The following SLC9A9 variants were observed in gnomAD, a reference collection of about 807,000 sequenced individuals.
The protein encoded by SLC9A9 is solute carrier family 9 member A9.
In SLC9A9, 62 loss-of-function variants were observed where a neutral mutation model predicts 77.8. The observed-to-expected ratio is 0.80, with a 90% CI of 0.65 to 0.98. SLC9A9 has a LOEUF of 0.98. SLC9A9 is among the 50% of genes least tolerant of loss of function. SLC9A9 has a pLI of 0.00. For synonymous variants in SLC9A9, 320 were observed against 283.5 expected, an observed-to-expected ratio of 1.13 and a Z score of -1.29; for missense variants, 775 against 774.9, an observed-to-expected ratio of 1.00 and a Z score of 0.00.
intron 4 of SLC9A9, among the ~76,000 whole-genome samples, chr3:143,718,824 G>A (rs1400968500): frequency 2.0e-5 from 3 of 151,992 alleles, no homozygotes; most frequent in Non-Finnish European, 4.4e-5. Flanking sequence ...TCTGAGTTTC[G>A]AGGTGACAAT....
At chr3:143,743,367 C>G (rs781052609) in intron 4 of SLC9A9, among the ~76,000 whole-genome samples, 5 of 151,932 alleles carry the variant, frequency 3.3e-5, no homozygotes, top group African/African-American at 4.8e-5. Context: ...AGCTGGAGAC[C>G]CTGGAATGCC....
At chr3:143,747,776 A>AT (rs1488677033) in intron 4 of SLC9A9, among the ~76,000 whole-genome samples, 24 of 152,336 alleles carry the variant, frequency 1.6e-4, no homozygotes, top group Admixed American at 1.4e-3. Flanking sequence ...CTGGAAAATC[A>AT]TATATTTCGA....
intron 12 of SLC9A9, among the ~76,000 whole-genome samples, chr3:143,390,595 C>A (rs527476659): frequency 3.9e-5 from 6 of 152,284 alleles, no homozygotes; most frequent in South Asian, 4.1e-4. Context: ...GCTTGTCGGA[C>A]AGGGGGTGCA....
At chr3:143,469,355 G>A (rs2035338601) in intron 11 of SLC9A9, among the ~76,000 whole-genome samples, 1 of 152,154 alleles carries the variant, frequency 6.6e-6, no homozygotes, top group Admixed American at 6.5e-5. Context: ...GTTATATTGT[G>A]CAATAGGACA....
At chr3:143,292,889 A>G (rs949846336) in intron 14 of SLC9A9, among the ~76,000 whole-genome samples, 2 of 152,122 alleles carry the variant, frequency 1.3e-5, no homozygotes, top group African/African-American at 4.8e-5. Context: ...GTCTTAACTG[A>G]GACACATGCC....
chr3:143,682,325 A>G (rs1419183720), intron 5 of SLC9A9, among the ~76,000 whole-genome samples: 1 of 152,044 alleles, frequency 6.6e-6, no homozygotes, highest in Non-Finnish European at 1.5e-5. Flanking sequence ...TCACCTCTAA[A>G]CCTTAGTTTG....
chr3:143,473,793 A>T (rs1160291899), intron 11 of SLC9A9, among the ~76,000 whole-genome samples: 1 of 152,256 alleles, frequency 6.6e-6, no homozygotes, highest in Non-Finnish European at 1.5e-5. Context: ...CCCAGAACAC[A>T]AAACTCTGTA....
chr3:143,425,439 C>G (rs1440322832), intron 12 of SLC9A9, among the ~76,000 whole-genome samples: 3 of 151,942 alleles, frequency 2.0e-5, no homozygotes, highest in East Asian at 1.9e-4. Flanking sequence ...TATCCACTAC[C>G]AAGAATGGCT....
intron 6 of SLC9A9, among the ~76,000 whole-genome samples, chr3:143,637,894 T>A (rs2038551953): frequency 6.6e-6 from 1 of 152,238 alleles, no homozygotes; most frequent in African/African-American, 2.4e-5. Context: ...GTTCTAAGAT[T>A]AAAGTTTTTC....
At chr3:143,706,052 T>C (rs1229512700) in intron 4 of SLC9A9, among the ~76,000 whole-genome samples, 1 of 152,198 alleles carries the variant, frequency 6.6e-6, no homozygotes, top group African/African-American at 2.4e-5. Context: ...TTACTGAATT[T>C]TAAAAATACA....
chr3:143,323,735 G>A (rs1420053901), intron 14 of SLC9A9, among the ~76,000 whole-genome samples: 10 of 151,880 alleles, frequency 6.6e-5, no homozygotes, highest in South Asian at 2.1e-4. Context: ...TGACTTGATC[G>A]GTACACATTA....
chr3:143,372,843 A>C (rs2033088549), intron 13 of SLC9A9, among the ~76,000 whole-genome samples: 1 of 152,168 alleles, frequency 6.6e-6, no homozygotes, highest in African/African-American at 2.4e-5. Flanking sequence ...ATGGCAAAAA[A>C]ATGTGGAAAA....
intron 12 of SLC9A9, among the ~76,000 whole-genome samples, chr3:143,412,949 G>C (rs990433685): frequency 3.9e-5 from 6 of 152,160 alleles, no homozygotes; most frequent in African/African-American, 1.4e-4. Context: ...CTCTAGGTGG[G>C]AGAAAGGGCC....
intron 4 of SLC9A9, among the ~76,000 whole-genome samples, chr3:143,774,240 G>A (rs922349838): frequency 6.6e-6 from 1 of 152,162 alleles, no homozygotes; most frequent in African/African-American, 2.4e-5. Flanking sequence ...CACCTTTCGG[G>A]ACTTGACTCA....
chr3:143,363,456 C>G (rs2032809032), intron 14 of SLC9A9, 28 bp downstream of exon 14: 1 of 1,599,232 alleles, frequency 6.3e-7, no homozygotes, highest in African/African-American at 1.3e-5. Flanking sequence ...GCAGCAGGAT[C>G]TGTGAGATCG....
intron 11 of SLC9A9, among the ~76,000 whole-genome samples, chr3:143,470,798 A>G (rs1007947772): frequency 2.6e-5 from 4 of 152,224 alleles, no homozygotes; most frequent in Admixed American, 2.0e-4. Context: ...AAGAATGTTT[A>G]ATAATGTATT....
At chr3:143,579,482 A>T (rs76333802) in intron 6 of SLC9A9, among the ~76,000 whole-genome samples, 77 of 152,318 alleles carry the variant, frequency 5.1e-4, no homozygotes, top group Non-Finnish European at 1.0e-3. Flanking sequence ...CTCAGATCCC[A>T]GAGTGTGAAT....
At chr3:143,428,506 C>T (rs1252932394) in intron 12 of SLC9A9, among the ~76,000 whole-genome samples, 1 of 152,054 alleles carries the variant, frequency 6.6e-6, no homozygotes, top group Non-Finnish European at 1.5e-5. Context: ...TTAGTACAGC[C>T]ATTATGGAAA....
intron 11 of SLC9A9, among the ~76,000 whole-genome samples, chr3:143,472,774 G>A (rs966333374): frequency 5.3e-5 from 8 of 152,144 alleles, no homozygotes; most frequent in African/African-American, 1.7e-4. Context: ...GGTTACATAC[G>A]GAAAAGTGAT....
Sources: allele counts gnomAD v4.1 joint callset (sites outside exome capture counted in the v4.1 genomes callset), GRCh38; gene constraint gnomAD v4.1.1; transcripts MANE v1.5; gene names NCBI Gene and HGNC (gene_info 2026-07-23, HGNC 2026-07-21).